GLI2: variants seen among roughly 807,000 people sequenced by gnomAD.
GLI2 encodes the protein transcription activator GLI2.
Under a neutral mutation model 78.9 loss-of-function variants are expected in GLI2, and 22 were observed. That is an observed-to-expected ratio of 0.28 (90% CI 0.20 to 0.40). GLI2 has a LOEUF of 0.40. Among genes scored for constraint, GLI2 ranks in the 10% least tolerant of loss-of-function variants. The pLI, the probability that GLI2 is intolerant of heterozygous loss-of-function variation, is 1.00. For missense variants in GLI2, 2,097 were observed against 2,213.2 expected, an observed-to-expected ratio of 0.95 and a Z score of 1.05; for synonymous variants, 974 against 963.7, an observed-to-expected ratio of 1.01 and a Z score of -0.20.
At chr2:120,814,782 G>A (rs903607000) in intron 2 of GLI2, among the ~76,000 whole-genome samples, 4 of 64,078 alleles carry the variant, frequency 6.2e-5, no homozygotes, top group Admixed American at 1.5e-4. Flanking sequence ...GCCCCCGCCC[G>A]CCCCACCCCC....
intron 2 of GLI2, among the ~76,000 whole-genome samples, chr2:120,922,054 TAA>T: frequency 6.6e-6 from 1 of 152,320 alleles, no homozygotes; most frequent in South Asian, 2.1e-4. Context: ...CACTATGTTA[TAA>T]ATATGTTTGC....
chr2:120,854,957 G>GGGGCAGGACCCCTTCGTGGGC (rs1687577159), intron 2 of GLI2, among the ~76,000 whole-genome samples: 1 of 152,236 alleles, frequency 6.6e-6, no homozygotes, highest in South Asian at 2.1e-4. Flanking sequence ...GGGCCAGCAT[G>GGGGCAGGACCCCTTCGTGGGC]GGGCAGGACC....
intron 3 of GLI2, 126 bp from the exon 4 acceptor site, chr2:120,951,114 AAAT>A (rs1680961865): frequency 1.4e-6 from 1 of 736,888 alleles, no homozygotes; most frequent in Non-Finnish European, 2.5e-6. Context: ...TCGGTGTAGC[AAAT>A]AATAAGTGCA....
chr2:120,840,442 GATA>G (rs112319152), intron 2 of GLI2, among the ~76,000 whole-genome samples: 3,298 of 152,288 alleles, frequency 0.022, 98 homozygotes, highest in African/African-American at 0.071. Flanking sequence ...TGTAATTTCA[GATA>G]ATGAGTGGAG....
chr2:120,915,329 C>A, intron 2 of GLI2, among the ~76,000 whole-genome samples: 1 of 152,260 alleles, frequency 6.6e-6, no homozygotes, highest in East Asian at 1.9e-4. Context: ...CGGACACCAG[C>A]CAGCTCGTGG....
intron 8 of GLI2, 23 bp downstream of exon 8, chr2:120,972,086 A>G (rs760591557): frequency 4.3e-6 from 7 of 1,612,034 alleles, no homozygotes; most frequent in Admixed American, 1.7e-5. Flanking sequence ...CAGCCGCACC[A>G]CCTTCCTCCA....
At chr2:120,977,515 A>G (rs1682509894) in intron 9 of GLI2, among the ~76,000 whole-genome samples, 1 of 152,092 alleles carries the variant, frequency 6.6e-6, no homozygotes. Flanking sequence ...GCAAGTGGTC[A>G]CTGCATTAGA....
At chr2:120,872,577 G>A (rs1273296128) in intron 2 of GLI2, among the ~76,000 whole-genome samples, 1 of 152,230 alleles carries the variant, frequency 6.6e-6, no homozygotes, top group African/African-American at 2.4e-5. Context: ...CTGCTCCATG[G>A]CTGGAAGAGT....
In GLI2 at chr2:120,989,995, G is replaced by T. The variant is rs145939921; in HGVS notation, c.4030G>T (p.Val1344Leu). 236 of 1,610,080 alleles carry T rather than the reference G, an allele frequency of 1.5e-4. 1 individual carries two copies. In the African/African-American group the frequency reaches 2.8e-3, roughly 19 times the overall value. Reference sequence around the variant, plus strand: ...GGAGCCCCAAACAGGCCCGATGGGGGTGGCTACAGCAGGCTTTGGCCTAGT... The same window carrying T: ...GGAGCCCCAAACAGGCCCGATGGGGTTGGCTACAGCAGGCTTTGGCCTAGT... ...FMEPQTGPMG[V>L]ATAGFGLVQP... The change falls in exon 14 of 14, where the codon GTG (valine) becomes TTG (leucine). Residue 1344 changes from valine (V) to leucine (L), a missense_variant. Val to Leu is a conservative substitution (Grantham distance 32). Around this residue, in one of 5 missense-constraint regions of GLI2, gnomAD observed 1,290 missense variants for 1,261.7 expected, o/e 1.02. Coordinates refer to ENST00000361492, the MANE Select transcript of GLI2 (RefSeq NM_001374353.1).
At chr2:120,750,776 C>T (rs561170861) in intron 1 of GLI2, among the ~76,000 whole-genome samples, 1 of 152,352 alleles carries the variant, frequency 6.6e-6, no homozygotes, top group African/African-American at 2.4e-5. Flanking sequence ...CCTGCCCTTC[C>T]CAGAACTTGG....
In GLI2 at chr2:120,989,109, C is replaced by A; in HGVS notation, c.3144C>A (p.Asp1048Glu). The A allele has an allele frequency of 1.2e-6, 2 of 1,612,800 alleles. No homozygotes were observed. Among genetic ancestry groups the A allele is most frequent in the Non-Finnish European group, 1.7e-6 (2 of 1,179,938 alleles). Residue 1048 changes from aspartate (D) to glutamate (E), a missense_variant, in exon 14 of 14, where the codon GAC (aspartate) becomes GAA (glutamate). Coordinates refer to ENST00000361492, the MANE Select transcript of GLI2 (RefSeq NM_001374353.1). Reference protein sequence around the residue: ...LPEDDLVLPDDVVQYIKAHAS... With the variant: ...LPEDDLVLPDEVVQYIKAHAS... ...AGGACGACCTGGTGCTTCCAGACGA[C>A]GTGGTGCAGTACATCAAGGCGCACG...
At chr2:120,911,570 G>A (rs757621751) in intron 2 of GLI2, among the ~76,000 whole-genome samples, 12 of 152,070 alleles carry the variant, frequency 7.9e-5, no homozygotes, top group African/African-American at 2.9e-4. Flanking sequence ...TGTTATCCTC[G>A]GGTTCTGTTT....
intron 3 of GLI2, among the ~76,000 whole-genome samples, chr2:120,942,961 C>A (rs1278976079): frequency 6.6e-6 from 1 of 150,842 alleles, no homozygotes; most frequent in Non-Finnish European, 1.5e-5. Context: ...TTCATTCATT[C>A]GTTCACGCCC....
intron 8 of GLI2, 64 bp from the exon 9 acceptor site, chr2:120,974,911 G>C: frequency 6.2e-7 from 1 of 1,613,876 alleles, no homozygotes; most frequent in Non-Finnish European, 8.5e-7. Flanking sequence ...GACTAACAGC[G>C]ACCTCTTTTC....
intron 2 of GLI2, among the ~76,000 whole-genome samples, chr2:120,925,735 C>A (rs773676179): frequency 3.3e-5 from 5 of 151,996 alleles, no homozygotes; most frequent in Non-Finnish European, 5.9e-5. Context: ...GATTACACAA[C>A]AATGCAAAGG....
At chr2:120,889,113 G>A (rs931647258) in intron 2 of GLI2, among the ~76,000 whole-genome samples, 3 of 152,206 alleles carry the variant, frequency 2.0e-5, no homozygotes, top group East Asian at 1.9e-4. Flanking sequence ...CTGGTCCTCC[G>A]AAAGAAGTGC....
chr2:120,887,531 C>T (rs553177073), intron 2 of GLI2, among the ~76,000 whole-genome samples: 7 of 152,368 alleles, frequency 4.6e-5, no homozygotes, highest in African/African-American at 1.7e-4. Flanking sequence ...CTTGAGTCAA[C>T]TTGTACCATG....
Position 120,992,007 on chromosome 2 carries a change from T to TACACACACACACACAC in GLI2, c.*1361_*1376dup, listed in dbSNP as rs59277032. 5.4e-5 allele frequency: 7 copies of TACACACACACACACAC among 130,056 alleles called. No individual in the cohort carries two copies. Among genetic ancestry groups the TACACACACACACACAC allele is most frequent in the South Asian group, 2.8e-4 (1 of 3,532 alleles). 8.1% of individuals were successfully genotyped at this position (130,056 alleles called of 1,614,324 possible). On this transcript the variant is annotated 3_prime_UTR_variant, in exon 14 of 14. Coordinates refer to ENST00000361492, the MANE Select transcript of GLI2 (RefSeq NM_001374353.1). Reference sequence around the variant, plus strand: ...GTGAATTGGTGCATCTTCCCCACCATACACACACACACACACACACACACA... The same window carrying TACACACACACACACAC: ...GTGAATTGGTGCATCTTCCCCACCATACACACACACACACACACACACACACACACACACACACACA...
At chr2:120,919,221 G>A (rs781555479) in intron 2 of GLI2, among the ~76,000 whole-genome samples, 6 of 152,226 alleles carry the variant, frequency 3.9e-5, no homozygotes, top group Middle Eastern at 3.2e-3. Context: ...TACTTAATAT[G>A]CAAGGAATTC....
Sources: gnomAD v4.1 joint callset for allele counts (sites outside exome capture counted in the v4.1 genomes callset) on GRCh38, gnomAD v4.1.1 for gene constraint, gnomAD v4.1.1 regional missense constraint, MANE v1.5 for transcripts, NCBI Gene and HGNC (gene_info 2026-07-23, HGNC 2026-07-21) for gene names.